The following DOP1A variants were observed in gnomAD, a reference collection of about 807,000 sequenced individuals.
DOP1A encodes the protein DOP1 leucine zipper like protein A, also known as protein DOP1A.
DOP1A carries 90 observed loss-of-function variants against 267.6 expected under a neutral mutation model. The observed-to-expected ratio is 0.34, with a 90% CI of 0.28 to 0.40. DOP1A has a LOEUF of 0.40. Ranked by LOEUF, DOP1A falls within the 10% of genes least tolerant of loss-of-function variation. The probability of loss-of-function intolerance (pLI) is 1.00; values close to 1 mark genes in which losing one functional copy is unlikely to be tolerated. For synonymous variants in DOP1A, 932 were observed against 999.1 expected, an observed-to-expected ratio of 0.93 and a Z score of 1.27; for missense variants, 2,437 against 2,900.4, an observed-to-expected ratio of 0.84 and a Z score of 3.67.
intron 21 of DOP1A, among the ~76,000 whole-genome samples, chr6:83,139,682 T>C (rs1779318773): frequency 6.6e-6 from 1 of 152,146 alleles, no homozygotes; most frequent in Admixed American, 6.6e-5. Context: ...TTTCTACATG[T>C]AAAATAATAA....
chr6:83,152,432 T>A, intron 30 of DOP1A, 65 bp downstream of exon 30: 1 of 675,006 alleles, frequency 1.5e-6, no homozygotes, highest in Non-Finnish European at 2.3e-6. Context: ...AATTAGCAAG[T>A]AATTTTTATA....
At chr6:83,153,401 A>G (rs1428275600) in intron 30 of DOP1A, 110 bp from the exon 31 acceptor site, 3 of 596,054 alleles carry the variant, frequency 5.0e-6, no homozygotes, top group Non-Finnish European at 5.5e-6. Flanking sequence ...TTAATTTTAG[A>G]TTTTTCTAAT....
chr6:83,152,806 CG>C, intron 30 of DOP1A, among the ~76,000 whole-genome samples: 1 of 151,666 alleles, frequency 6.6e-6, no homozygotes, highest in South Asian at 2.1e-4. Context: ...TTAGTAGAGA[CG>C]GGGTTTCATC....
intron 37 of DOP1A, among the ~76,000 whole-genome samples, chr6:83,162,147 T>C (rs1263426343): frequency 6.6e-6 from 1 of 152,286 alleles, no homozygotes; most frequent in East Asian, 1.9e-4. Context: ...CTGGACGGAC[T>C]TACGAAGCTG....
chr6:83,099,669 A>C (rs1772173064), intron 3 of DOP1A, among the ~76,000 whole-genome samples: 2 of 151,310 alleles, frequency 1.3e-5, no homozygotes, highest in South Asian at 4.1e-4. Context: ...AGAACAAGGC[A>C]AGGATTGCAT....
chr6:83,128,746 A>G, intron 15 of DOP1A, 141 bp from the exon 16 acceptor site: 1 of 879,268 alleles, frequency 1.1e-6, no homozygotes, highest in Non-Finnish European at 1.6e-6. Context: ...TGAATAAATC[A>G]GTGTGGGGCT....
chr6:83,146,194 T>G (rs983040579), intron 25 of DOP1A, among the ~76,000 whole-genome samples: 3 of 152,204 alleles, frequency 2.0e-5, no homozygotes, highest in African/African-American at 7.2e-5. Context: ...AAAATAAAAG[T>G]CTACAAATTA....
chr6:83,136,205 T>C (rs959510620), intron 20 of DOP1A, among the ~76,000 whole-genome samples: 16 of 152,174 alleles, frequency 1.1e-4, no homozygotes, highest in African/African-American at 3.4e-4. Context: ...AGATACTTCA[T>C]TGGGAATTTA....
intron 37 of DOP1A, among the ~76,000 whole-genome samples, chr6:83,160,859 A>G (rs1784079073): frequency 6.6e-6 from 1 of 152,106 alleles, no homozygotes; most frequent in Non-Finnish European, 1.5e-5. Context: ...TTATTTGGAC[A>G]TGCTCCAAAA....
intron 24 of DOP1A, among the ~76,000 whole-genome samples, chr6:83,142,893 T>C (rs558116821): frequency 6.6e-6 from 1 of 152,302 alleles, no homozygotes; most frequent in South Asian, 2.1e-4. Flanking sequence ...TCATGGCACA[T>C]TAGAATAGTA....
Position 83,137,879 on chromosome 6 carries a change from A to C in DOP1A, c.3837A>C (p.Lys1279Asn). The C allele has an allele frequency of 1.2e-6, 2 of 1,613,348 alleles. No homozygotes were observed. Among genetic ancestry groups the C allele is most frequent in the Non-Finnish European group, 1.7e-6 (2 of 1,179,832 alleles). Residue 1279 changes from lysine to asparagine, a missense_variant, in exon 21 of 39, where the codon AAA becomes AAC. Transcript: ENST00000349129. The part of the protein sequence containing the change: ...QFSFKEKLSE[K>N]VSEKETIVKE... ...GCTTCAAAGAAAAATTATCAGAAAA[A>C]GTTTCGGAGAAGGAAACAATAGTTA...
At chr6:83,153,856 T>G in intron 31 of DOP1A, 38 bp from the exon 32 acceptor site, 2 of 1,573,554 alleles carry the variant, frequency 1.3e-6, no homozygotes, top group Non-Finnish European at 1.7e-6. Flanking sequence ...TGATTAAAGT[T>G]AGGACACGTA....
At chr6:83,119,285 T>C (rs1356833373) in intron 8 of DOP1A, among the ~76,000 whole-genome samples, 1 of 152,140 alleles carries the variant, frequency 6.6e-6, no homozygotes, top group Non-Finnish European at 1.5e-5. Flanking sequence ...AAGGATGAGC[T>C]AATAATCAAA....
At chr6:83,123,257 T>TTTTG (rs1776632833) in intron 12 of DOP1A, among the ~76,000 whole-genome samples, 3 of 151,828 alleles carry the variant, frequency 2.0e-5, no homozygotes, top group African/African-American at 7.2e-5. Context: ...ATCCAGTTTT[T>TTTTG]TTGTTGTAGA....
chr6:83,164,831 T>A, intron 38 of DOP1A: 1 of 820,836 alleles, frequency 1.2e-6, no homozygotes, highest in Non-Finnish European at 1.9e-6. Context: ...AGGAAGGAAG[T>A]CTTTTTTCAA....
At chr6:83,099,969 T>G (rs148376339) in intron 3 of DOP1A, among the ~76,000 whole-genome samples, 5 of 152,150 alleles carry the variant, frequency 3.3e-5, no homozygotes, top group Non-Finnish European at 5.9e-5. Flanking sequence ...TGACATTCTA[T>G]CAATACTTGA....
At chr6:83,161,960 G>T (rs1784336080) in intron 37 of DOP1A, among the ~76,000 whole-genome samples, 1 of 152,112 alleles carries the variant, frequency 6.6e-6, no homozygotes, top group African/African-American at 2.4e-5. Flanking sequence ...CTATGTTGCT[G>T]TTAAAAAGAA....
Position 83,139,113 on chromosome 6 carries a change from G to A in DOP1A, c.5071G>A (p.Asp1691Asn). Residue 1691 changes from aspartate to asparagine, a missense_variant, in exon 21 of 39, where the codon GAT becomes AAT. Physicochemically the swap from Asp to Asn is conservative, Grantham distance 23 (BLOSUM62 1). Transcript: ENST00000349129. Reference protein sequence around the residue: ...SVTLQLCRNLDNLIQQYKYET... With the variant: ...SVTLQLCRNLNNLIQQYKYET... ...GACACTACAACTGTGCAGAAATTTA[G>A]ATAATCTAATTCAGCAGTACAAATA... The A allele has an allele frequency of 6.2e-7, 1 of 1,613,936 alleles. No homozygotes were observed. Among genetic ancestry groups the A allele is most frequent in the Non-Finnish European group, 8.5e-7 (1 of 1,179,864 alleles).
chr6:83,091,612 G>C (rs1340540584), intron 1 of DOP1A, among the ~76,000 whole-genome samples: 1 of 152,112 alleles, frequency 6.6e-6, no homozygotes, highest in Non-Finnish European at 1.5e-5. Context: ...TAGCAAATAA[G>C]ATTATCTGAA....
Sources: allele counts gnomAD v4.1 joint callset (sites outside exome capture counted in the v4.1 genomes callset), GRCh38; gene constraint gnomAD v4.1.1; transcripts MANE v1.5; gene names NCBI Gene and HGNC (gene_info 2026-07-23, HGNC 2026-07-21).